PSMD12: variants seen among roughly 807,000 people sequenced by gnomAD.
PSMD12 encodes 26S proteasome non-ATPase regulatory subunit 12.
A neutral mutation model predicts 62.9 loss-of-function variants in PSMD12; 8 were observed. The observed-to-expected ratio is 0.13, with a 90% CI of 0.07 to 0.23. PSMD12 has a LOEUF of 0.23. PSMD12 is among the 10% of genes least tolerant of loss of function. The pLI is 1.00. For missense variants in PSMD12, 424 were observed against 550.2 expected (o/e 0.77, Z 2.29); for synonymous variants, 173 against 187.4 (o/e 0.92, Z 0.63).
At position 67,366,432 on chromosome 17, in the gene PSMD12, C is replaced by G. The variant is rs2042180126; in HGVS notation, c.88G>C (p.Glu30Gln). ...YSATVDQRLP[E>Q]CAKLAKEGRL... ...CTCACCTTGGCTAGCTTCGCACACT[C>G]GGGTAGGCGCTGATCCACCGTGGCG... is the stretch of plus-strand genomic sequence containing the variant. The change falls in exon 1 of 11, where the codon GAG becomes CAG. Residue 30 changes from glutamate (E) to glutamine (Q), a missense_variant. Coordinates refer to ENST00000356126, the MANE Select transcript of PSMD12 (RefSeq NM_002816.5). 1 of 1,612,048 alleles carries G rather than the reference C, an allele frequency of 6.2e-7. No individual in the cohort carries two copies. Among genetic ancestry groups the G allele is most frequent in the East Asian group, 2.2e-5 (1 of 44,838 alleles).
chr17:67,359,366 T>A (rs2042108592), intron 1 of PSMD12, among the ~76,000 whole-genome samples: 1 of 152,120 alleles, frequency 6.6e-6, no homozygotes. Context: ...AGATAAAAAA[T>A]TTTTAAAATG....
chr17:67,359,518 G>A (rs985069669), intron 1 of PSMD12, among the ~76,000 whole-genome samples: 2 of 151,980 alleles, frequency 1.3e-5, no homozygotes, highest in African/African-American at 2.4e-5. Context: ...TGGATGATAC[G>A]TGAGTACTAT....
chr17:67,356,419 G>T (rs11868405), intron 3 of PSMD12, among the ~76,000 whole-genome samples: 2 of 149,940 alleles, frequency 1.3e-5, no homozygotes, highest in East Asian at 3.9e-4. Context: ...TTAGCCGGGC[G>T]TGGTAGCGGG....
chr17:67,350,000 C>G (rs11867328), intron 4 of PSMD12, among the ~76,000 whole-genome samples: 3 of 151,962 alleles, frequency 2.0e-5, no homozygotes, highest in Non-Finnish European at 4.4e-5. Flanking sequence ...TGATAAGATA[C>G]CCAATTCCCA....
intron 7 of PSMD12, among the ~76,000 whole-genome samples, chr17:67,346,177 G>A (rs1458056342): frequency 1.3e-5 from 2 of 152,064 alleles, no homozygotes; most frequent in African/African-American, 4.8e-5. Flanking sequence ...CGGATCACCT[G>A]AGGTCAGGAG....
At chr17:67,357,013 A>G (rs551729083) in intron 3 of PSMD12, 5 of 211,530 alleles carry the variant, frequency 2.4e-5, no homozygotes, top group Middle Eastern at 1.8e-3. Flanking sequence ...CTGTCTCAAA[A>G]TAAGTAAATA....
At position 67,357,569 on chromosome 17, in the gene PSMD12, G is replaced by A; in HGVS notation, c.118C>T (p.Leu40Phe). The change falls in exon 2 of 11, where the codon CTT becomes TTT. Residue 40 changes from leucine (L) to phenylalanine (F), a missense_variant. Leu to Phe is a conservative substitution (Grantham distance 22). Transcript: ENST00000356126. ...AGAAGGGTTTCAATGACTTCTTGAA[G>A]TCTTCCTTCCTAAAACAAAAGATGA... ...ECAKLAKEGR[L>F]QEVIETLLSL... 1 of 1,612,928 alleles carries A rather than the reference G, an allele frequency of 6.2e-7. No homozygotes were observed.
chr17:67,363,846 T>C (rs981551340), intron 1 of PSMD12, among the ~76,000 whole-genome samples: 1 of 151,636 alleles, frequency 6.6e-6, no homozygotes, highest in Non-Finnish European at 1.5e-5. Context: ...GGCCAGGAGT[T>C]TGAGACCATC....
At position 67,350,255 on chromosome 17, in the gene PSMD12, T is replaced by C; in HGVS notation, c.379A>G (p.Thr127Ala). ...DLPIKLRLIDTLRMVTEGKIY... is the reference protein window; with the variant it reads ...DLPIKLRLIDALRMVTEGKIY... ...TTGCCTTCGGTAACCATTCGTAGAG[T>C]ATCAATTAATCGAAGTTTGATAGGA... Residue 127 changes from threonine (T) to alanine (A), a missense_variant, in exon 4 of 11, where the codon ACT becomes GCT. Coordinates refer to ENST00000356126, the MANE Select transcript of PSMD12 (RefSeq NM_002816.5). 2 of 1,612,588 alleles carry C rather than the reference T, an allele frequency of 1.2e-6. No individual in the cohort carries two copies. Among genetic ancestry groups the C allele is most frequent in the Non-Finnish European group, 1.7e-6 (2 of 1,179,216 alleles).
intron 9 of PSMD12, among the ~76,000 whole-genome samples, chr17:67,342,671 T>C (rs937446768): frequency 6.6e-6 from 1 of 152,084 alleles, no homozygotes; most frequent in Non-Finnish European, 1.5e-5. Context: ...GTGCAGGGAC[T>C]CACACCTGTA....
intron 9 of PSMD12, among the ~76,000 whole-genome samples, chr17:67,342,803 G>A (rs2041927195): frequency 6.6e-6 from 1 of 151,420 alleles, no homozygotes; most frequent in Admixed American, 6.6e-5. Flanking sequence ...GAATATGGTG[G>A]TGCATGCCTA....
At chr17:67,357,905 TG>T (rs2042090683) in intron 1 of PSMD12, among the ~76,000 whole-genome samples, 1 of 150,126 alleles carries the variant, frequency 6.7e-6, no homozygotes, top group African/African-American at 2.4e-5. Flanking sequence ...CAACTCAGTG[TG>T]GTAACACCTG....
chr17:67,357,261 C>G, intron 3 of PSMD12, 42 bp downstream of exon 3: 1 of 1,574,210 alleles, frequency 6.4e-7, no homozygotes. Flanking sequence ...TTCTGAAATA[C>G]AAATGCTTTT....
intron 1 of PSMD12, among the ~76,000 whole-genome samples, chr17:67,360,077 G>A (rs537782672): frequency 6.6e-6 from 1 of 151,964 alleles, no homozygotes; most frequent in South Asian, 2.1e-4. Flanking sequence ...CTAGAGTGCA[G>A]CGCTTCCCCT....
At chr17:67,356,260 C>A (rs1041249466) in intron 3 of PSMD12, among the ~76,000 whole-genome samples, 1 of 151,814 alleles carries the variant, frequency 6.6e-6, no homozygotes, top group African/African-American at 2.4e-5. Flanking sequence ...AGTAATACCT[C>A]AAAAAGCTGT....
chr17:67,362,559 C>A (rs534529989), intron 1 of PSMD12, among the ~76,000 whole-genome samples: 1 of 138,582 alleles, frequency 7.2e-6, no homozygotes, highest in Admixed American at 7.1e-5. Flanking sequence ...CTACTGGGGA[C>A]GCCGAGGCAG....
In PSMD12 at chr17:67,340,579, A is replaced by G; in HGVS notation, c.*264T>C. Reference sequence around the variant, plus strand: ...CAAACAGTAGCTAAAAAGGTTTCAAATGATAGAAAAACATATCTGGGTAAG... The same window carrying G: ...CAAACAGTAGCTAAAAAGGTTTCAAGTGATAGAAAAACATATCTGGGTAAG... On this transcript the variant is annotated 3_prime_UTR_variant, in exon 11 of 11. Transcript: ENST00000356126. 1 of 323,972 alleles carries G rather than the reference A, an allele frequency of 3.1e-6. No individual in the cohort carries two copies. The highest frequency in any genetic ancestry group is 5.5e-6 in the Non-Finnish European group (1 of 181,238). 20.1% of individuals were successfully genotyped at this position (323,972 alleles called of 1,614,324 possible).
In PSMD12 at chr17:67,340,768, C is replaced by T. The variant is rs2041906016; in HGVS notation, c.*75G>A. 1 of 1,208,722 alleles carries T rather than the reference C, an allele frequency of 8.3e-7. No individual in the cohort carries two copies. The highest frequency in any genetic ancestry group is 1.1e-6 in the Non-Finnish European group (1 of 889,142). The allele number at this position is 1,208,722 out of a possible 1,614,324, so 74.9% of individuals were successfully genotyped here. A position where few individuals can be genotyped will look rare whatever the true frequency, so the allele number is the denominator to read the frequency against. ...GACAAAGAAGCTTAGAAAAAAAACCCCAACATATACACCATTATAACAGTC... is the reference window on the plus strand; with the variant it reads ...GACAAAGAAGCTTAGAAAAAAAACCTCAACATATACACCATTATAACAGTC... On this transcript the variant is annotated 3_prime_UTR_variant, in exon 11 of 11. Coordinates refer to ENST00000356126, the MANE Select transcript of PSMD12 (RefSeq NM_002816.5).
intron 1 of PSMD12, among the ~76,000 whole-genome samples, chr17:67,361,889 AAAAAAAAAAAAAAAAAAAAAG>A (rs2042131910): frequency 1.5e-5 from 2 of 131,036 alleles, no homozygotes; most frequent in African/African-American, 5.5e-5. Flanking sequence ...AAAAAAAAAA[AAAAAAAAAAAAAAAAAAAAAG>A]GAAGGAAGGA....
Sources: allele counts gnomAD v4.1 joint callset (sites outside exome capture counted in the v4.1 genomes callset), GRCh38; gene constraint gnomAD v4.1.1; transcripts MANE v1.5; gene names NCBI Gene and HGNC (gene_info 2026-07-23, HGNC 2026-07-21).